RABEP1: variants seen among roughly 807,000 people sequenced by gnomAD.
RABEP1 encodes the protein rabaptin, RAB GTPase binding effector protein 1, also known as rab GTPase-binding effector protein 1.
A neutral mutation model predicts 123.4 loss-of-function variants in RABEP1; 51 were observed. That is an observed-to-expected ratio of 0.41 (90% CI 0.33 to 0.52). The LOEUF (loss-of-function observed/expected upper bound fraction) is 0.52. Among genes scored for constraint, RABEP1 ranks in the 20% least tolerant of loss-of-function variants. The pLI is 0.16. For missense variants in RABEP1, 888 were observed against 996.3 expected, an observed-to-expected ratio of 0.89 and a Z score of 1.46; for synonymous variants, 347 against 355.2, an observed-to-expected ratio of 0.98 and a Z score of 0.26.
chr17:5,360,433 G>C (rs975457633), intron 8 of RABEP1, among the ~76,000 whole-genome samples: 1 of 152,202 alleles, frequency 6.6e-6, no homozygotes, highest in South Asian at 2.1e-4. Flanking sequence ...GAGGTGGCGG[G>C]CACCTGTAGT....
At chr17:5,372,219 C>T (rs1487870790) in intron 12 of RABEP1, among the ~76,000 whole-genome samples, 3 of 151,868 alleles carry the variant, frequency 2.0e-5, no homozygotes, top group East Asian at 1.9e-4. Context: ...CTGAGGTGGG[C>T]GGATCACGAG....
intron 13 of RABEP1, among the ~76,000 whole-genome samples, chr17:5,374,835 G>C (rs1372227119): frequency 6.6e-6 from 1 of 152,052 alleles, no homozygotes; most frequent in African/African-American, 2.4e-5. Context: ...GTAGAGATGG[G>C]GTTTCACCAC....
intron 13 of RABEP1, among the ~76,000 whole-genome samples, chr17:5,373,798 A>G (rs1313761819): frequency 6.6e-6 from 1 of 151,562 alleles, no homozygotes; most frequent in Non-Finnish European, 1.5e-5. Flanking sequence ...CCTAGCCTTA[A>G]GCAACTACTA....
chr17:5,297,387 A>G lies in RABEP1; in HGVS notation c.35-11307A>G, dbSNP rs1397886784. ...ACGTATAAATGAACAGTGTGACTGC[A>G]TAAAAGAAGAACATCCCTAGGAGGT... On this transcript the variant is annotated intron_variant, in intron 1 of 17. Transcript: ENST00000537505. Among the ~76,000 whole-genome samples the G allele has an allele frequency of 3.9e-5, 6 of 152,244 alleles. No individual in the cohort carries two copies. The East Asian group carries it at 9.6e-4, about 24-fold the overall frequency.
At chr17:5,355,434 A>G (rs1331817824) in intron 8 of RABEP1, among the ~76,000 whole-genome samples, 1 of 152,172 alleles carries the variant, frequency 6.6e-6, no homozygotes, top group Non-Finnish European at 1.5e-5. Context: ...ATCCCCCAAG[A>G]TCCCTAGCAT....
At chr17:5,356,649 C>CT (rs545704829) in intron 8 of RABEP1, 19,901 of 133,246 alleles carry the variant, frequency 0.15, 2,018 homozygotes, top group East Asian at 0.5. Context: ...TAACATATTT[C>CT]TTTTTTTTTT....
At position 5,337,154 on chromosome 17, in the gene RABEP1, G is replaced by A. The variant is rs563276537; in HGVS notation, c.529-865G>A. Among the ~76,000 whole-genome samples, 12 of 152,294 alleles carry A rather than the reference G, an allele frequency of 7.9e-5. 1 individual carries two copies. Among genetic ancestry groups the A allele is most frequent in the African/African-American group, 1.9e-4 (8 of 41,560 alleles). The stretch of plus-strand genomic sequence containing the variant: ...TCCATGTTTTTGAGAATGGACTTGG[G>A]AAAGCAATGATAGTTTTAAGGGGTC... On this transcript the variant is annotated intron_variant, in intron 4 of 17. Coordinates refer to ENST00000537505, the MANE Select transcript of RABEP1 (RefSeq NM_004703.6).
intron 8 of RABEP1, among the ~76,000 whole-genome samples, chr17:5,357,823 G>A (rs1490720691): frequency 6.6e-6 from 1 of 152,204 alleles, no homozygotes; most frequent in Non-Finnish European, 1.5e-5. Flanking sequence ...GAGGTGGTCA[G>A]GAGGCAGGAG....
intron 3 of RABEP1, among the ~76,000 whole-genome samples, chr17:5,332,410 T>C (rs996719466): frequency 5.3e-5 from 8 of 152,148 alleles, no homozygotes; most frequent in Non-Finnish European, 1.0e-4. Flanking sequence ...CTATAGTTCA[T>C]TGTAAGGCTT....
At chr17:5,343,187 G>A (rs1327818288) in intron 5 of RABEP1, among the ~76,000 whole-genome samples, 1 of 152,170 alleles carries the variant, frequency 6.6e-6, no homozygotes, top group Non-Finnish European at 1.5e-5. Context: ...GGGAGGCGGA[G>A]GTTGCGGGGA....
chr17:5,336,348 C>T (rs1445882413), intron 4 of RABEP1: 1 of 371,204 alleles, frequency 2.7e-6, no homozygotes, highest in Non-Finnish European at 5.1e-6. Flanking sequence ...CTAGTTTCTC[C>T]TGTTGTTAAT....
At chr17:5,332,726 A>C (rs1906681522) in intron 3 of RABEP1, among the ~76,000 whole-genome samples, 1 of 149,672 alleles carries the variant, frequency 6.7e-6, no homozygotes, top group Non-Finnish European at 1.5e-5. Flanking sequence ...CTCCTGCCTC[A>C]GCCTCCCGAG....
intron 2 of RABEP1, among the ~76,000 whole-genome samples, chr17:5,314,192 T>G (rs2075271942): frequency 6.6e-6 from 1 of 152,004 alleles, no homozygotes; most frequent in African/African-American, 2.4e-5. Flanking sequence ...GAAATGCACC[T>G]TTTTACTTCT....
intron 11 of RABEP1, among the ~76,000 whole-genome samples, chr17:5,367,485 G>A (rs545441279): frequency 9.9e-4 from 151 of 151,816 alleles, no homozygotes; most frequent in Non-Finnish European, 1.6e-3. Flanking sequence ...TGGCCAGGCT[G>A]GTCTCGAACT....
chr17:5,316,832 C>CAAAAAAAAAAAA (rs55890740), intron 2 of RABEP1, among the ~76,000 whole-genome samples: 2 of 67,176 alleles, frequency 3.0e-5, no homozygotes, highest in African/African-American at 5.9e-5. Context: ...GACTCTGTCT[C>CAAAAAAAAAAAA]AAAAAAAAAA....
At chr17:5,382,491 A>AT (rs1382869972) in intron 17 of RABEP1, among the ~76,000 whole-genome samples, 1 of 151,774 alleles carries the variant, frequency 6.6e-6, no homozygotes, top group East Asian at 2.0e-4. Context: ...GCTCACGCCT[A>AT]TAATCCCAGC....
In RABEP1 at chr17:5,328,862, A is replaced by C. The variant is rs1906231855; in HGVS notation, c.164-3087A>C. Among the ~76,000 whole-genome samples, 4 of 149,898 alleles carry C rather than the reference A, an allele frequency of 2.7e-5. No individual in the cohort carries two copies. The South Asian group carries it at 8.5e-4, about 32-fold the overall frequency. ...GCTACTCGGGAGGCTGAGGCAGGAGAATCACTTGAACCTGGGCGGCAGAGG... is the reference window on the plus strand; with the variant it reads ...GCTACTCGGGAGGCTGAGGCAGGAGCATCACTTGAACCTGGGCGGCAGAGG... On this transcript the variant is annotated intron_variant, in intron 2 of 17. Coordinates refer to ENST00000537505, the MANE Select transcript of RABEP1 (RefSeq NM_004703.6).
In RABEP1 at chr17:5,308,150, T is replaced by G. The variant is rs1356939131; in HGVS notation, c.35-544T>G. 2.6e-5 allele frequency among the ~76,000 whole-genome samples: 4 copies of G among 152,136 alleles called. No homozygotes were observed. The East Asian group carries it at 7.7e-4, about 29-fold the overall frequency. ...TCTTTTTTTTGTGGGGAAGTTGGCC[T>G]TATGTGATTCTCTGTATATTTGTGG... On this transcript the variant is annotated intron_variant, in intron 1 of 17. Coordinates refer to ENST00000537505, the MANE Select transcript of RABEP1 (RefSeq NM_004703.6).
At chr17:5,284,349 A>G (rs1376669193) in intron 1 of RABEP1, among the ~76,000 whole-genome samples, 5 of 152,266 alleles carry the variant, frequency 3.3e-5, no homozygotes, top group East Asian at 1.9e-4. Flanking sequence ...ATAGATTGCA[A>G]TTTTTATTTT....
Sources: gnomAD v4.1 joint callset for allele counts (sites outside exome capture counted in the v4.1 genomes callset) on GRCh38, gnomAD v4.1.1 for gene constraint, MANE v1.5 for transcripts, NCBI Gene and HGNC (gene_info 2026-07-23, HGNC 2026-07-21) for gene names.